NAGPA: variants seen among roughly 807,000 people sequenced by gnomAD.
NAGPA encodes N-acetylglucosamine-1-phosphodiester alpha-N-acetylglucosaminidase.
Under a neutral mutation model 48.5 loss-of-function variants are expected in NAGPA, and 56 were observed. That is an observed-to-expected ratio of 1.15 (90% CI 0.93 to 1.44). The LOEUF (loss-of-function observed/expected upper bound fraction) is 1.44, where lower values mean the gene tolerates loss of function less well. Among genes scored for constraint, NAGPA ranks in the 40% most tolerant of loss-of-function variants. The pLI, the probability that NAGPA is intolerant of heterozygous loss-of-function variation, is 0.00. For missense variants in NAGPA, 888 were observed against 735.0 expected (o/e 1.21, Z -2.41); for synonymous variants, 399 against 315.5 (o/e 1.26, Z -2.81).
At chr16:5,031,994 C>G (rs1956108477) in intron 2 of NAGPA, 110 bp from the exon 3 acceptor site, 15 of 1,453,406 alleles carry the variant, frequency 1.0e-5, no homozygotes, top group Non-Finnish European at 1.4e-5. Flanking sequence ...CCCTCATGCC[C>G]CAGGAACCTC....
chr16:5,030,697 T>C (rs1956082711), intron 3 of NAGPA: 1 of 630,792 alleles, frequency 1.6e-6, no homozygotes, highest in East Asian at 2.8e-5. Context: ...AACCAAGCTA[T>C]GCCAGCCTCC....
rs547302832 is a variant in NAGPA at position 5,025,385 on chromosome 16, G to A, written c.*93C>T. On this transcript the variant is annotated 3_prime_UTR_variant, in exon 10 of 10. Transcript: ENST00000312251. ...CCACAGGGGCTGAGGACACCCAGAT[G>A]GTCCACGCCAGTGGCCTTGAAATTT... 447 of 1,463,162 alleles carry A rather than the reference G, an allele frequency of 3.1e-4. 3 individuals carry two copies. In the African/African-American group the frequency reaches 5.7e-3, roughly 18 times the overall value. The allele number at this position is 1,463,162 out of a possible 1,614,324, so 90.6% of individuals were successfully genotyped here.
intron 3 of NAGPA, 188 bp from the exon 4 acceptor site, chr16:5,030,681 C>T: frequency 1.5e-6 from 1 of 650,554 alleles, no homozygotes; most frequent in East Asian, 2.7e-5. Context: ...TCTCTTCTTA[C>T]AGGTAAACCA....
intron 5 of NAGPA, 189 bp from the exon 6 acceptor site, chr16:5,028,374 G>T: frequency 1.8e-6 from 2 of 1,137,748 alleles, no homozygotes; most frequent in Non-Finnish European, 2.6e-6. Context: ...AGCTGTAACC[G>T]TAAGGTGTGC....
At position 5,028,030 on chromosome 16, in the gene NAGPA, T is replaced by G. The variant is rs1220060913; in HGVS notation, c.1076A>C (p.Glu359Ala). The G allele has an allele frequency of 6.2e-7, 1 of 1,609,126 alleles. No individual in the cohort carries two copies. The highest frequency in any genetic ancestry group is 8.5e-7 in the Non-Finnish European group (1 of 1,179,346). The change falls in exon 6 of 10, where the codon GAG becomes GCG. Residue 359 changes from glutamate to alanine, a missense_variant. Glu to Ala is a moderately radical substitution (Grantham distance 107). Coordinates refer to ENST00000312251, the MANE Select transcript of NAGPA (RefSeq NM_016256.4). ...GCAGTTAGAGGGGCCACAGTCCAGC[T>G]CATCACAGCCGGGACCCCGCCAGAA... ...GHFWRGPGCDELDCGPSNCSQ... is the reference protein window; with the variant it reads ...GHFWRGPGCDALDCGPSNCSQ...
intron 4 of NAGPA, 65 bp downstream of exon 4, chr16:5,030,320 T>G: frequency 1.4e-6 from 2 of 1,428,922 alleles, no homozygotes; most frequent in Non-Finnish European, 1.9e-6. Context: ...GTGGCTGTCA[T>G]TGGGTCAACG....
intron 3 of NAGPA, 154 bp from the exon 4 acceptor site, chr16:5,030,647 A>G (rs1956081887): frequency 4.2e-6 from 3 of 713,802 alleles, no homozygotes; most frequent in Non-Finnish European, 7.5e-6. Flanking sequence ...TGCACATCCC[A>G]GTCTCCCCAG....
chr16:5,031,746 T>G lies in NAGPA; in HGVS notation c.681A>C (p.Thr227=), dbSNP rs535491452. 1.4e-5 allele frequency: 22 copies of G among 1,613,996 alleles called. No homozygotes were observed. Among genetic ancestry groups the G allele is most frequent in the Non-Finnish European group, 1.8e-5 (21 of 1,180,026 alleles). ...TTGCCAACAGCCTCCCCATCCAACCTGTCTCCTGTGTCTCGTCACACTCTG... is the reference window on the plus strand; with the variant it reads ...TTGCCAACAGCCTCCCCATCCAACCGGTCTCCTGTGTCTCGTCACACTCTG... ...QATECDETQE[T]GSFSKFVNVI... The change falls in exon 3 of 10, where the codon ACA becomes ACC. Residue 227 remains threonine, a splice_region_variant and synonymous_variant. Transcript: ENST00000312251.
Position 5,033,373 on chromosome 16 carries a change from A to T in NAGPA, c.442T>A (p.Cys148Ser). 1 of 1,597,236 alleles carries T rather than the reference A, an allele frequency of 6.3e-7. No homozygotes were observed. The highest frequency in any genetic ancestry group is 1.3e-5 in the African/African-American group (1 of 74,872). Residue 148 changes from cysteine to serine, a missense_variant, in exon 2 of 10, where the codon TGC (cysteine) becomes AGC (serine). Physicochemically the swap from Cys to Ser is moderately radical, Grantham distance 112. Coordinates refer to ENST00000312251, the MANE Select transcript of NAGPA (RefSeq NM_016256.4). This position sits in a 1 kb window ranked among gnomAD's most constrained non-coding sequence, Gnocchi z 4.2. Reference sequence around the variant, plus strand: ...TCGTCGCTCACCACGTTCCCCAGGCACTCGCCCGAGTTCATGCGGAAGAAG... The same window carrying T: ...TCGTCGCTCACCACGTTCCCCAGGCTCTCGCCCGAGTTCATGCGGAAGAAG... ...GGFFRMNSGE[C>S]LGNVVSDERR...
chr16:5,030,690 C>G, intron 3 of NAGPA, 197 bp from the exon 4 acceptor site: 2 of 636,598 alleles, frequency 3.1e-6, no homozygotes, highest in Non-Finnish European at 5.7e-6. Context: ...ACAGGTAAAC[C>G]AAGCTATGCC....
chr16:5,032,387 G>A (rs369934617), intron 2 of NAGPA, among the ~76,000 whole-genome samples: 21 of 152,226 alleles, frequency 1.4e-4, no homozygotes, highest in African/African-American at 4.1e-4. Context: ...AGGGCGTGGT[G>A]GCTCACACCT....
intron 4 of NAGPA, chr16:5,029,355 C>G (rs1956062064): frequency 2.8e-6 from 1 of 352,132 alleles, no homozygotes. Context: ...AGAGGGTGGC[C>G]GGACAACTGG....
In NAGPA at chr16:5,033,844, C is replaced by G; in HGVS notation, c.71G>C (p.Gly24Ala). The G allele has an allele frequency of 6.5e-7, 1 of 1,550,096 alleles. No individual in the cohort carries two copies. Among genetic ancestry groups the G allele is most frequent in the South Asian group, 1.2e-5 (1 of 84,124 alleles). Reference sequence around the variant, plus strand: ...CTGCACTCACCCCGAGTCGAGGCCGCCGGACGCTTCCCAGAGGAAGCCGAA... The same window carrying G: ...CTGCACTCACCCCGAGTCGAGGCCGGCGGACGCTTCCCAGAGGAAGCCGAA... The part of the protein sequence containing the change: ...ALFGFLWEAS[G>A]GLDSGASRDD... Residue 24 changes from glycine (G) to alanine (A), a missense_variant, in exon 1 of 10, where the codon GGC becomes GCC. Physicochemically the swap from Gly to Ala is moderately conservative, Grantham distance 60. Transcript: ENST00000312251. The surrounding 1 kb of genome is among the most constrained non-coding windows in gnomAD (Gnocchi z 4.2).
chr16:5,031,963 C>G, intron 2 of NAGPA, 79 bp from the exon 3 acceptor site: 1 of 1,595,614 alleles, frequency 6.3e-7, no homozygotes, highest in Non-Finnish European at 8.6e-7. Context: ...CCTAGCCATC[C>G]CAACCTGGCT....
chr16:5,027,075 G>C, intron 9 of NAGPA, 60 bp downstream of exon 9: 8 of 1,588,572 alleles, frequency 5.0e-6, no homozygotes, highest in Non-Finnish European at 6.9e-6. Context: ...ACAGGGGAAG[G>C]GTGCGGGAGA....
Position 5,027,215 on chromosome 16 carries a change from A to G in NAGPA, c.1277-17T>C. 1 of 1,614,224 alleles carries G rather than the reference A, an allele frequency of 6.2e-7. No homozygotes were observed. The highest frequency in any genetic ancestry group is 8.5e-7 in the Non-Finnish European group (1 of 1,180,034). The stretch of plus-strand genomic sequence containing the variant: ...ACTGCTTTACTGTAACATACCAGAG[A>G]CAGGCTGAAGGGGCCGGAGCAGGAG... On this transcript the variant is annotated splice_polypyrimidine_tract_variant and intron_variant, in intron 8 of 9. Coordinates refer to ENST00000312251, the MANE Select transcript of NAGPA (RefSeq NM_016256.4).
chr16:5,030,325 T>A, intron 4 of NAGPA, 60 bp downstream of exon 4: 1 of 1,464,148 alleles, frequency 6.8e-7, no homozygotes, highest in Non-Finnish European at 9.3e-7. Flanking sequence ...TGTCATTGGG[T>A]CAACGTTCCT....
At chr16:5,027,014 G>A (rs777640048) in intron 9 of NAGPA, 121 bp downstream of exon 9, 43 of 1,262,088 alleles carry the variant, frequency 3.4e-5, no homozygotes, top group Non-Finnish European at 4.2e-5. Context: ...AGCTGGTCCC[G>A]CTTCCTCTAA....
In NAGPA at chr16:5,033,920, A is replaced by C; in HGVS notation, c.-6T>G. 3 of 1,548,734 alleles carry C rather than the reference A, an allele frequency of 1.9e-6. No individual in the cohort carries two copies. The highest frequency in any genetic ancestry group is 1.4e-5 in the African/African-American group (1 of 73,054). On this transcript the variant is annotated 5_prime_UTR_variant, in exon 1 of 10. Coordinates refer to ENST00000312251, the MANE Select transcript of NAGPA (RefSeq NM_016256.4). This position sits in a 1 kb window ranked among gnomAD's most constrained non-coding sequence, Gnocchi z 4.2. ...CGACCCGTGGAGGTCGCCATATTGGACCGGGGCCTCGGGTCATGTGGGCTC... is the reference window on the plus strand; with the variant it reads ...CGACCCGTGGAGGTCGCCATATTGGCCCGGGGCCTCGGGTCATGTGGGCTC...
Sources: gnomAD v4.1 joint callset for allele counts (sites outside exome capture counted in the v4.1 genomes callset) on GRCh38, gnomAD v4.1.1 for gene constraint, Gnocchi (gnomAD v3.1) non-coding constraint, MANE v1.5 for transcripts, NCBI Gene and HGNC (gene_info 2026-07-23, HGNC 2026-07-21) for gene names.